Variants in RAPGEF4 observed in about 807,000 individuals in gnomAD.
RAPGEF4 encodes the protein RAP guanine-nucleotide-exchange factor (GEF) 4.
Under a neutral mutation model 147.9 loss-of-function variants are expected in RAPGEF4, and 66 were observed. The ratio of observed to expected loss-of-function variants is 0.45; its 90% CI spans 0.37 to 0.55. RAPGEF4 has a LOEUF of 0.55. Ranked by LOEUF, RAPGEF4 falls within the 20% of genes least tolerant of loss-of-function variation. The probability of loss-of-function intolerance (pLI) is 0.00; values close to 1 mark genes in which losing one functional copy is unlikely to be tolerated. For synonymous variants in RAPGEF4, 419 were observed against 442.7 expected (o/e 0.95, Z 0.67); for missense variants, 1,071 against 1,257.3 (o/e 0.85, Z 2.24).
intron 4 of RAPGEF4, among the ~76,000 whole-genome samples, chr2:172,848,165 C>G (rs1170381122): frequency 1.3e-5 from 2 of 152,128 alleles, no homozygotes; most frequent in Non-Finnish European, 1.5e-5. Flanking sequence ...ATGCTTGAGA[C>G]ACCCCAAATA....
chr2:172,975,591 A>G (rs145647952), intron 10 of RAPGEF4, among the ~76,000 whole-genome samples: 377 of 152,288 alleles, frequency 2.5e-3, no homozygotes, highest in African/African-American at 8.5e-3. Flanking sequence ...GGTTGCCTCA[A>G]GTGTGTCCTC....
intron 4 of RAPGEF4, among the ~76,000 whole-genome samples, chr2:172,890,613 T>G (rs1051046138): frequency 6.6e-6 from 1 of 152,236 alleles, no homozygotes; most frequent in Non-Finnish European, 1.5e-5. Flanking sequence ...CTGTCCAATG[T>G]GTCTATAGGC....
chr2:172,881,113 G>A (rs532383872), intron 4 of RAPGEF4, among the ~76,000 whole-genome samples: 7 of 152,132 alleles, frequency 4.6e-5, no homozygotes, highest in Admixed American at 1.3e-4. Flanking sequence ...TACTGCCCAC[G>A]CTTGTGGAGG....
intron 1 of RAPGEF4, among the ~76,000 whole-genome samples, chr2:172,778,581 T>G (rs995066925): frequency 6.6e-6 from 1 of 152,098 alleles, no homozygotes; most frequent in Non-Finnish European, 1.5e-5. Context: ...TTTAGAACCA[T>G]TTTCAATTTG....
chr2:172,996,797 C>T (rs1007165833), intron 16 of RAPGEF4, among the ~76,000 whole-genome samples: 1 of 152,198 alleles, frequency 6.6e-6, no homozygotes, highest in Non-Finnish European at 1.5e-5. Flanking sequence ...TATGCCTCAT[C>T]TTCCCTAGGC....
At chr2:172,954,684 A>G (rs1029791964) in intron 6 of RAPGEF4, among the ~76,000 whole-genome samples, 1 of 152,228 alleles carries the variant, frequency 6.6e-6, no homozygotes, top group African/African-American at 2.4e-5. Flanking sequence ...TGAGACATAC[A>G]TTTCAAAGAT....
intron 13 of RAPGEF4, 24 bp from the exon 14 acceptor site, chr2:172,988,669 A>G: frequency 6.2e-7 from 1 of 1,600,548 alleles, no homozygotes. Context: ...GATCTTCTTC[A>G]TCTGTGTGCT....
At chr2:173,031,319 C>G (rs1202509052) in intron 26 of RAPGEF4, among the ~76,000 whole-genome samples, 1 of 152,170 alleles carries the variant, frequency 6.6e-6, no homozygotes, top group East Asian at 1.9e-4. Context: ...GCGTGCCATG[C>G]AGCTATATCA....
At chr2:173,037,013 G>A (rs1295253313) in intron 29 of RAPGEF4, among the ~76,000 whole-genome samples, 1 of 152,144 alleles carries the variant, frequency 6.6e-6, no homozygotes, top group Non-Finnish European at 1.5e-5. Context: ...AACGTTTGTG[G>A]AGCTAGACTG....
intron 10 of RAPGEF4, among the ~76,000 whole-genome samples, chr2:172,968,102 G>A (rs920562345): frequency 2.6e-5 from 4 of 152,156 alleles, no homozygotes; most frequent in Non-Finnish European, 1.5e-5. Flanking sequence ...GCCCCCGTTT[G>A]ATGCAGGGCA....
chr2:172,885,185 T>C (rs1379687871), intron 4 of RAPGEF4, among the ~76,000 whole-genome samples: 1 of 152,256 alleles, frequency 6.6e-6, no homozygotes, highest in Non-Finnish European at 1.5e-5. Flanking sequence ...CATCCCTCTG[T>C]GGGTCAGCGT....
At chr2:172,922,560 C>T (rs1340940675) in intron 6 of RAPGEF4, among the ~76,000 whole-genome samples, 1 of 152,132 alleles carries the variant, frequency 6.6e-6, no homozygotes, top group East Asian at 1.9e-4. Flanking sequence ...GCTACAATTG[C>T]TAAGTGTTTT....
chr2:172,950,552 T>A (rs1365175226), intron 6 of RAPGEF4, among the ~76,000 whole-genome samples: 1 of 152,202 alleles, frequency 6.6e-6, no homozygotes, highest in Non-Finnish European at 1.5e-5. Context: ...TATTCTTGTG[T>A]TTTTATCTAT....
chr2:172,807,762 T>A (rs953707992), intron 3 of RAPGEF4, among the ~76,000 whole-genome samples: 5 of 152,166 alleles, frequency 3.3e-5, no homozygotes, highest in African/African-American at 1.2e-4. Flanking sequence ...CAAGACCTCA[T>A]CTCTAAGAAA....
chr2:172,918,371 C>CCACACA (rs377074360), intron 5 of RAPGEF4, among the ~76,000 whole-genome samples: 12,684 of 137,540 alleles, frequency 0.092, 659 homozygotes, highest in Non-Finnish European at 0.12. Context: ...GATGCTCTTA[C>CCACACA]CACACACACA....
Position 172,963,525 on chromosome 2 carries a change from A to G in RAPGEF4, c.699-2037A>G, listed in dbSNP as rs549560990. ...TAAAATATGTCATGTTTGATGATAG[A>G]TAATGGAAACTAGAAGTTAGAAACC... is the stretch of plus-strand genomic sequence containing the variant. On this transcript the variant is annotated intron_variant, in intron 8 of 30. Transcript: ENST00000397081. Among the ~76,000 whole-genome samples, 47 of 152,374 alleles carry G rather than the reference A, an allele frequency of 3.1e-4. No homozygotes were observed. In the South Asian group the frequency reaches 9.3e-3, roughly 30 times the overall value.
At chr2:172,840,853 A>G (rs756577816) in intron 4 of RAPGEF4, among the ~76,000 whole-genome samples, 4 of 152,222 alleles carry the variant, frequency 2.6e-5, no homozygotes, top group South Asian at 4.1e-4. Flanking sequence ...AAACAGGTCC[A>G]GAGAGCTTTC....
intron 24 of RAPGEF4, 130 bp downstream of exon 24, chr2:173,026,827 C>T (rs1696709111): frequency 1.6e-6 from 2 of 1,280,920 alleles, no homozygotes; most frequent in Non-Finnish European, 2.1e-6. Context: ...GCATACTGAG[C>T]TTATAAATAA....
chr2:173,001,434 G>C, intron 17 of RAPGEF4, 90 bp downstream of exon 17: 1 of 1,530,496 alleles, frequency 6.5e-7, no homozygotes, highest in South Asian at 1.1e-5. Context: ...CTGCAGGTAA[G>C]TCATGGCCCA....
Sources: gnomAD v4.1 joint callset for allele counts (sites outside exome capture counted in the v4.1 genomes callset) on GRCh38, gnomAD v4.1.1 for gene constraint, MANE v1.5 for transcripts, NCBI Gene and HGNC (gene_info 2026-07-23, HGNC 2026-07-21) for gene names.